Variants in TENM2 observed in about 807,000 individuals in gnomAD.
The protein encoded by TENM2 is teneurin-2.
A neutral mutation model predicts 245.2 loss-of-function variants in TENM2; 52 were observed. That is an observed-to-expected ratio of 0.21 (90% confidence interval 0.17 to 0.27). The LOEUF (loss-of-function observed/expected upper bound fraction) is 0.27. TENM2 is among the 10% of genes least tolerant of loss of function. The pLI, the probability that TENM2 is intolerant of heterozygous loss-of-function variation, is 1.00. For missense variants in TENM2, 3,046 were observed against 3,666.8 expected (o/e 0.83, Z 4.37); for synonymous variants, 1,363 against 1,438.9 (o/e 0.95, Z 1.19).
chr5:167,073,153 T>C, the TENM2 span, among the ~76,000 whole-genome samples: 1 of 152,240 alleles, frequency 6.6e-6, no homozygotes, highest in East Asian at 1.9e-4. Flanking sequence ...TTCCTACATT[T>C]TGAAGATGTA....
At chr5:166,981,265 A>T in the TENM2 span, among the ~76,000 whole-genome samples, 1 of 151,630 alleles carries the variant, frequency 6.6e-6, no homozygotes, top group Non-Finnish European at 1.5e-5. Context: ...AGCTCAGCTT[A>T]TTCATGGGTC....
intron 2 of TENM2, among the ~76,000 whole-genome samples, chr5:167,713,475 A>G (rs6555766): frequency 0.096 from 14,647 of 152,026 alleles, 764 homozygotes; most frequent in African/African-American, 0.14. Context: ...ACACAAGTAC[A>G]TACATACAAT....
chr5:167,598,271 A>G (rs554527001), intron 2 of TENM2, among the ~76,000 whole-genome samples: 1 of 152,338 alleles, frequency 6.6e-6, no homozygotes, highest in South Asian at 2.1e-4. Context: ...TGTTCCCAAA[A>G]TAAAGGATTG....
chr5:167,737,580 G>T (rs1468058029), intron 2 of TENM2, among the ~76,000 whole-genome samples: 1 of 152,170 alleles, frequency 6.6e-6, no homozygotes, highest in African/African-American at 2.4e-5. Flanking sequence ...GTCCTTTGGG[G>T]TATGCAGCCC....
the TENM2 span, among the ~76,000 whole-genome samples, chr5:167,156,325 C>T: frequency 8.3e-4 from 127 of 152,302 alleles, no homozygotes; most frequent in African/African-American, 2.6e-3. Context: ...AGGCTGTTTG[C>T]TCATCTCCTC....
intron 2 of TENM2, among the ~76,000 whole-genome samples, chr5:167,728,276 C>T (rs1760166314): frequency 6.6e-6 from 1 of 152,028 alleles, no homozygotes; most frequent in Non-Finnish European, 1.5e-5. Flanking sequence ...GTCCTGCCTA[C>T]ACACAAGTAT....
intron 2 of TENM2, among the ~76,000 whole-genome samples, chr5:167,597,599 G>A (rs1165916944): frequency 1.3e-5 from 2 of 152,180 alleles, no homozygotes; most frequent in African/African-American, 2.4e-5. Flanking sequence ...AGGAGTCAGG[G>A]TGGTGGGGAG....
chr5:168,121,436 T>C (rs918202307), intron 10 of TENM2, among the ~76,000 whole-genome samples: 3 of 152,230 alleles, frequency 2.0e-5, no homozygotes, highest in Admixed American at 6.5e-5. Flanking sequence ...AAGTTTGAAT[T>C]TAGTTATTCC....
At chr5:167,969,619 T>C (rs891915345) in intron 4 of TENM2, among the ~76,000 whole-genome samples, 1 of 152,178 alleles carries the variant, frequency 6.6e-6, no homozygotes, top group Non-Finnish European at 1.5e-5. Context: ...ATTCAAGTAA[T>C]ACTTAAACTC....
At chr5:168,204,384 A>G in exon 19 of TENM2, 1 of 1,613,552 alleles carries the variant, frequency 6.2e-7, no homozygotes, top group Non-Finnish European at 8.5e-7. Flanking sequence ...ATCCTACACA[A>G]AGGCACTGGG....
At chr5:167,587,015 G>C (rs569138206) in intron 2 of TENM2, among the ~76,000 whole-genome samples, 1 of 152,254 alleles carries the variant, frequency 6.6e-6, no homozygotes, top group East Asian at 1.9e-4. Context: ...AATATGGATT[G>C]CCTTTACCCT....
chr5:167,321,217 A>G (rs1037835969), intron 1 of TENM2, among the ~76,000 whole-genome samples: 2 of 152,098 alleles, frequency 1.3e-5, no homozygotes, highest in African/African-American at 4.8e-5. Flanking sequence ...AAAAAAAAAG[A>G]TAATCCAAGA....
intron 8 of TENM2, among the ~76,000 whole-genome samples, chr5:168,092,968 C>A (rs1793067110): frequency 6.6e-6 from 1 of 152,200 alleles, no homozygotes. Context: ...CATGAGGTAG[C>A]ACTATCACAA....
intron 2 of TENM2, among the ~76,000 whole-genome samples, chr5:167,551,147 C>T (rs1283604115): frequency 3.9e-5 from 6 of 152,138 alleles, no homozygotes; most frequent in Non-Finnish European, 8.8e-5. Context: ...TCCCTTGAGC[C>T]ATCCATGAAG....
chr5:167,644,157 C>T (rs898435251), intron 2 of TENM2, among the ~76,000 whole-genome samples: 2 of 152,130 alleles, frequency 1.3e-5, no homozygotes, highest in Non-Finnish European at 2.9e-5. Flanking sequence ...AAGCATGCCA[C>T]TGTGGACTCA....
chr5:167,445,326 T>TAG (rs1394963206), intron 2 of TENM2, among the ~76,000 whole-genome samples: 2 of 32,892 alleles, frequency 6.1e-5, no homozygotes, highest in Admixed American at 8.2e-4. Flanking sequence ...TATATATATA[T>TAG]ATATATATAT....
At chr5:167,980,567 A>T (rs935585198) in intron 4 of TENM2, among the ~76,000 whole-genome samples, 3 of 152,178 alleles carry the variant, frequency 2.0e-5, no homozygotes, top group Non-Finnish European at 4.4e-5. Context: ...TTAGGAAGAG[A>T]TGACCTCGAC....
the TENM2 span, among the ~76,000 whole-genome samples, chr5:167,071,818 A>G: frequency 6.6e-6 from 1 of 151,860 alleles, no homozygotes; most frequent in African/African-American, 2.4e-5. Flanking sequence ...TGAAGGAGAT[A>G]TCCAAATCCT....
At chr5:168,246,235 C>CAA (rs111982569) in intron 26 of TENM2, among the ~76,000 whole-genome samples, 4,465 of 129,538 alleles carry the variant, frequency 0.034, 76 homozygotes, top group South Asian at 0.078. Flanking sequence ...GACTCTGTTT[C>CAA]AAAAAAAAAA....
Sources: gnomAD v4.1 joint callset for allele counts (sites outside exome capture counted in the v4.1 genomes callset) on GRCh38, gnomAD v4.1.1 for gene constraint, MANE v1.5 for transcripts, NCBI Gene and HGNC (gene_info 2026-07-23, HGNC 2026-07-21) for gene names.